Variants in NWD1 observed in about 807,000 individuals in gnomAD.
NWD1 encodes NACHT domain- and WD repeat-containing protein 1.
In NWD1, 129 loss-of-function variants were observed where a neutral mutation model predicts 135.1. The ratio of observed to expected loss-of-function variants is 0.96; its 90% CI spans 0.83 to 1.11. NWD1 has a LOEUF of 1.11. Among genes scored for constraint, NWD1 ranks in the 50% least tolerant of loss-of-function variants. The probability of loss-of-function intolerance (pLI) is 0.00; values close to 1 mark genes in which losing one functional copy is unlikely to be tolerated. For synonymous variants in NWD1, 773 were observed against 786.0 expected, an observed-to-expected ratio of 0.98 and a Z score of 0.28; for missense variants, 1,740 against 1,851.3, an observed-to-expected ratio of 0.94 and a Z score of 1.10.
intron 3 of NWD1, among the ~76,000 whole-genome samples, chr19:16,731,852 AC>A (rs1451710682): frequency 5.3e-5 from 8 of 152,016 alleles, no homozygotes; most frequent in African/African-American, 1.9e-4. Flanking sequence ...TTCTTTTTGC[AC>A]CGAGCCCCGT....
At chr19:16,728,565 G>A (rs997533120) in intron 2 of NWD1, among the ~76,000 whole-genome samples, 2 of 151,858 alleles carry the variant, frequency 1.3e-5, no homozygotes, top group African/African-American at 4.8e-5. Flanking sequence ...GATTACAGGC[G>A]TGAGCCACCA....
intron 11 of NWD1, among the ~76,000 whole-genome samples, chr19:16,778,307 C>T (rs1011638096): frequency 4.6e-5 from 7 of 152,134 alleles, no homozygotes; most frequent in Admixed American, 4.6e-4. Context: ...TTTAATCAAA[C>T]TCCACCAGGC....
chr19:16,741,093 G>A (rs1219995147), intron 4 of NWD1, among the ~76,000 whole-genome samples: 1 of 152,144 alleles, frequency 6.6e-6, no homozygotes, highest in Non-Finnish European at 1.5e-5. Flanking sequence ...CTGGGAGGCA[G>A]AGGTTGCAGT....
chr19:16,749,418 C>T lies in NWD1; in HGVS notation c.776C>T (p.Ala259Val). 1 of 1,613,930 alleles carries T rather than the reference C, an allele frequency of 6.2e-7. No homozygotes were observed. Among genetic ancestry groups the T allele is most frequent in the Admixed American group, 1.7e-5 (1 of 59,986 alleles). The change falls in exon 6 of 19, where the codon GCC becomes GTC. Residue 259 changes from alanine to valine, a missense_variant. Coordinates refer to ENST00000524140, the MANE Select transcript of NWD1 (RefSeq NM_001007525.5). ...GTGAACCCCAAGAACAAGACTCACG[C>T]CTGCTACCTGAAGGAGCTGGGTGAG... ...DLVNPKNKTH[A>V]CYLKELGEQF...
intron 7 of NWD1, among the ~76,000 whole-genome samples, 159 bp from the exon 8 acceptor site, chr19:16,761,820 A>G (rs1969023957): frequency 1.3e-5 from 2 of 151,884 alleles, no homozygotes; most frequent in Admixed American, 1.3e-4. Context: ...AAAAACACGG[A>G]CCAATTTAGA....
chr19:16,799,002 C>T (rs2123094733), intron 16 of NWD1, among the ~76,000 whole-genome samples: 1 of 151,812 alleles, frequency 6.6e-6, no homozygotes, highest in African/African-American at 2.4e-5. Context: ...TTACAGGGCA[C>T]CCTCTAAAAA....
chr19:16,764,550 C>A (rs1309655524), intron 9 of NWD1, among the ~76,000 whole-genome samples: 1 of 151,810 alleles, frequency 6.6e-6, no homozygotes, highest in African/African-American at 2.4e-5. Flanking sequence ...TATCCATGCA[C>A]CCATTATATG....
At chr19:16,738,892 A>AATACATTATATATAATATATAATACTT (rs1967967636) in intron 4 of NWD1, among the ~76,000 whole-genome samples, 1 of 143,634 alleles carries the variant, frequency 7.0e-6, no homozygotes, top group South Asian at 2.1e-4. Flanking sequence ...TATTATATAT[A>AATACATTATATATAATATATAATACTT]TATATATTTC....
Position 16,798,939 on chromosome 19 carries a change from TA to T in NWD1, c.3460-934del, listed in dbSNP as rs35736408. Among the ~76,000 whole-genome samples the T allele has an allele frequency of 1.9e-3, 275 of 142,226 alleles. 1 individual carries two copies. The highest frequency in any genetic ancestry group is 0.011 in the East Asian group (55 of 4,850). 93.3% of individuals were successfully genotyped at this position (142,226 alleles called of 152,430 possible). A position where few individuals can be genotyped will look rare whatever the true frequency, so the allele number is the denominator to read the frequency against. On this transcript the variant is annotated intron_variant, in intron 16 of 18. Transcript: ENST00000524140. The stretch of plus-strand genomic sequence containing the variant: ...CCATGTCTGGCTAGAATAAAATAAT[TA>T]AAAAAAAAAAAACATTAAAAGTTTT...
rs1971023136 is a variant in NWD1 at position 16,814,937 on chromosome 19, A to G, written c.4288-91A>G. On this transcript the variant is annotated intron_variant, in intron 18 of 18. Coordinates refer to ENST00000524140, the MANE Select transcript of NWD1 (RefSeq NM_001007525.5). ...AAAATTAGTAGAGGGCATAGCAGGA[A>G]TTTTATTCCATGCAGCCAACTCTGG... The G allele has an allele frequency of 5.1e-6, 6 of 1,169,430 alleles. No individual in the cohort carries two copies. The Admixed American group carries it at 1.1e-4, about 21-fold the overall frequency. 72.4% of individuals were successfully genotyped at this position (1,169,430 alleles called of 1,614,324 possible). A position where few individuals can be genotyped will look rare whatever the true frequency, so the allele number is the denominator to read the frequency against.
At position 16,741,231 on chromosome 19, in the gene NWD1, G is replaced by A. The variant is rs189094423; in HGVS notation, c.199-3190G>A. Among the ~76,000 whole-genome samples, 384 of 152,200 alleles carry A rather than the reference G, an allele frequency of 2.5e-3. 1 individual carries two copies. The highest frequency in any genetic ancestry group is 6.0e-3 in the Admixed American group (92 of 15,262). On this transcript the variant is annotated intron_variant, in intron 4 of 18. Coordinates refer to ENST00000524140, the MANE Select transcript of NWD1 (RefSeq NM_001007525.5). ...CCCTCTTCTTGCCAGTGCCTTAGTC[G>A]CTGTGCCCTTCCTACAGCAGCCATG...
chr19:16,807,608 C>A lies in NWD1; in HGVS notation c.3759C>A (p.Asp1253Glu). ...CAGGCGAGGAACAAGATTCCCTGGA[C>A]ACCTCCAGTGAGATCAGGTGTCTGG... The part of the protein sequence containing the change: ...LAEGEEQDSL[D>E]TSSEIRCLEV... Residue 1253 changes from aspartate (D) to glutamate (E), a missense_variant, in exon 18 of 19, where the codon GAC becomes GAA. Transcript: ENST00000524140. The A allele has an allele frequency of 6.6e-7, 1 of 1,525,606 alleles. No homozygotes were observed. The allele number at this position is 1,525,606 out of a possible 1,614,324, so 94.5% of individuals were successfully genotyped here.
At chr19:16,722,036 C>T (rs1443119293) in intron 1 of NWD1, among the ~76,000 whole-genome samples, 3 of 151,924 alleles carry the variant, frequency 2.0e-5, no homozygotes, top group African/African-American at 4.8e-5. Flanking sequence ...TGGTTTGAGT[C>T]CAGGAGTTCA....
intron 10 of NWD1, among the ~76,000 whole-genome samples, chr19:16,768,980 C>T (rs755646205): frequency 2.2e-4 from 33 of 152,278 alleles, no homozygotes; most frequent in Non-Finnish European, 4.0e-4. Context: ...CGGAGGTCTG[C>T]CTACTTTGGA....
rs778066287 is a variant in NWD1, at chr19:16,808,184, A to G, written c.4287+48A>G. The G allele has an allele frequency of 6.5e-6, 10 of 1,535,368 alleles. No homozygotes were observed. The African/African-American group carries it at 6.8e-5, about 10-fold the overall frequency. On this transcript the variant is annotated intron_variant, in intron 18 of 18. Coordinates refer to ENST00000524140, the MANE Select transcript of NWD1 (RefSeq NM_001007525.5). ...TTCATGCTAGACCCAGGCATTGGAA[A>G]ACTGATAGATAGCCATCATTTACTA...
rs1288935972 is a variant in NWD1, at chr19:16,764,361, G to GTCCGTCCA, written c.2251+419_2251+420insGTCCATCC. Among the ~76,000 whole-genome samples the GTCCGTCCA allele has an allele frequency of 1.6e-3, 239 of 145,198 alleles. 1 individual carries two copies. The highest frequency in any genetic ancestry group is 5.5e-3 in the African/African-American group (211 of 38,110). The stretch of plus-strand genomic sequence containing the variant: ...CCATCCATCCATCCACCCATCTTCT[G>GTCCGTCCA]TCCATCCATCCATCCATCCATCCAT... On this transcript the variant is annotated intron_variant, in intron 9 of 18. Transcript: ENST00000524140.
Position 16,807,633 on chromosome 19 carries a change from G to A in NWD1, c.3784G>A (p.Glu1262Lys), listed in dbSNP as rs1392155703. 2.6e-6 allele frequency: 4 copies of A among 1,556,476 alleles called. No homozygotes were observed. Among genetic ancestry groups the A allele is most frequent in the South Asian group, 2.4e-5 (2 of 82,290 alleles). Residue 1262 changes from glutamate (E) to lysine (K), a missense_variant, in exon 18 of 19, where the codon GAG becomes AAG. By Grantham distance (56) the Glu-to-Lys change is moderately conservative. Coordinates refer to ENST00000524140, the MANE Select transcript of NWD1 (RefSeq NM_001007525.5). ...LDTSSEIRCL[E>K]VAEQRKLLFT... ...CACCTCCAGTGAGATCAGGTGTCTG[G>A]AGGTTGCTGAGCAGCGCAAGCTCCT...
chr19:16,735,679 A>T (rs1171699249), intron 3 of NWD1, among the ~76,000 whole-genome samples: 1 of 151,668 alleles, frequency 6.6e-6, no homozygotes, highest in Non-Finnish European at 1.5e-5. Flanking sequence ...AAATACAAAA[A>T]ATTAGCCAGG....
At chr19:16,755,271 A>G (rs566530468) in intron 6 of NWD1, among the ~76,000 whole-genome samples, 1 of 152,164 alleles carries the variant, frequency 6.6e-6, no homozygotes, top group African/African-American at 2.4e-5. Context: ...ACTGGAGTGC[A>G]CTGAAGCGAT....
Sources: gnomAD v4.1 joint callset for allele counts (sites outside exome capture counted in the v4.1 genomes callset) on GRCh38, gnomAD v4.1.1 for gene constraint, MANE v1.5 for transcripts, NCBI Gene and HGNC (gene_info 2026-07-23, HGNC 2026-07-21) for gene names.